The following DMRT1 variants were observed in gnomAD, a reference collection of about 807,000 sequenced individuals.
DMRT1 encodes doublesex and mab-3 related transcription factor 1, also known as doublesex- and mab-3-related transcription factor 1.
Under a neutral mutation model 32.3 loss-of-function variants are expected in DMRT1, and 7 were observed. The ratio of observed to expected loss-of-function variants is 0.22; its 90% CI spans 0.12 to 0.41. The LOEUF is 0.41. Ranked by LOEUF, DMRT1 falls within the 10% of genes least tolerant of loss-of-function variation. The pLI is 1.00. For missense variants in DMRT1, 625 were observed against 500.5 expected (o/e 1.25, Z -2.37); for synonymous variants, 278 against 206.1 (o/e 1.35, Z -2.99).
chr9:941,620 T>C (rs1819075619), intron 4 of DMRT1, among the ~76,000 whole-genome samples: 1 of 152,082 alleles, frequency 6.6e-6, no homozygotes, highest in African/African-American at 2.4e-5. Flanking sequence ...AGGGTGGTGA[T>C]GGTTACACAG....
At chr9:866,200 G>A (rs539576756) in intron 2 of DMRT1, among the ~76,000 whole-genome samples, 8 of 150,452 alleles carry the variant, frequency 5.3e-5, no homozygotes, top group African/African-American at 1.7e-4. Context: ...AGTGGTGGGT[G>A]TTTTATAACC....
At chr9:866,469 C>CA (rs1564208260) in intron 2 of DMRT1, among the ~76,000 whole-genome samples, 105 of 151,944 alleles carry the variant, frequency 6.9e-4, no homozygotes, top group Non-Finnish European at 1.2e-3. Context: ...CTCATTTACC[C>CA]CGTTGTGGGG....
Position 965,778 on chromosome 9 carries a change from G to A in DMRT1, c.968-2207G>A, listed in dbSNP as rs1819912633. On this transcript the variant is annotated intron_variant, in intron 4 of 4. Transcript: ENST00000382276. This position sits in a 1 kb window ranked among gnomAD's most constrained non-coding sequence, Gnocchi z 4.5. ...TCAGCTGCCAGTTCTGAAATGTGGG[G>A]CCCAGGAGAAGGTTGGTGCAGGGGC... Among the ~76,000 whole-genome samples, 1 of 152,180 alleles carries A rather than the reference G, an allele frequency of 6.6e-6. No homozygotes were observed. The highest frequency in any genetic ancestry group is 1.5e-5 in the Non-Finnish European group (1 of 68,032).
chr9:959,032 A>G (rs1199672435), intron 4 of DMRT1, among the ~76,000 whole-genome samples: 1 of 152,238 alleles, frequency 6.6e-6, no homozygotes, highest in East Asian at 1.9e-4. Context: ...ATACTGCAAA[A>G]TATCTGGACA....
intron 2 of DMRT1, among the ~76,000 whole-genome samples, chr9:893,317 A>G (rs942166876): frequency 6.6e-6 from 1 of 152,262 alleles, no homozygotes; most frequent in African/African-American, 2.4e-5. Flanking sequence ...TTTTATAAAT[A>G]AAGTTTTATT....
chr9:870,709 CTTTTTTT>C (rs58893896), intron 2 of DMRT1, among the ~76,000 whole-genome samples: 7 of 69,558 alleles, frequency 1.0e-4, no homozygotes, highest in Admixed American at 6.2e-4. Flanking sequence ...ATTTTCTTGA[CTTTTTTT>C]TTTTTTTTTT....
At chr9:922,864 G>T (rs190500198) in intron 4 of DMRT1, among the ~76,000 whole-genome samples, 2 of 150,416 alleles carry the variant, frequency 1.3e-5, no homozygotes, top group African/African-American at 5.0e-5. Context: ...TCCGTGAAGC[G>T]AGTTGCAGAG....
At chr9:920,926 A>T (rs74466767) in intron 4 of DMRT1, among the ~76,000 whole-genome samples, 1 of 152,134 alleles carries the variant, frequency 6.6e-6, no homozygotes, top group African/African-American at 2.4e-5. Context: ...CTTTATAGCA[A>T]TTTGGTAGAG....
intron 4 of DMRT1, among the ~76,000 whole-genome samples, chr9:934,918 G>T (rs1029044699): frequency 1.3e-5 from 2 of 152,080 alleles, no homozygotes; most frequent in African/African-American, 2.4e-5. Flanking sequence ...GATACACCTT[G>T]ATCTCTCTGG....
Position 922,647 on chromosome 9 carries a change from G to C in DMRT1, c.967+5740G>C, listed in dbSNP as rs149069921. ...GTAATACACTTAGATATTTTTGTCT[G>C]TTTATTTTGTGATCTCGGTTTAAAA... On this transcript the variant is annotated intron_variant, in intron 4 of 4. Coordinates refer to ENST00000382276, the MANE Select transcript of DMRT1 (RefSeq NM_021951.3). Among the ~76,000 whole-genome samples, 511 of 152,306 alleles carry C rather than the reference G, an allele frequency of 3.4e-3. 1 individual carries two copies. The highest frequency in any genetic ancestry group is 0.012 in the African/African-American group (491 of 41,566).
intron 4 of DMRT1, among the ~76,000 whole-genome samples, chr9:962,303 C>T (rs1006752535): frequency 5.9e-5 from 9 of 151,980 alleles, no homozygotes; most frequent in Admixed American, 5.9e-4. Context: ...AGTTTGGGGG[C>T]AAGGGAGCAG....
At chr9:912,474 A>G (rs918942974) in intron 3 of DMRT1, among the ~76,000 whole-genome samples, 4 of 152,212 alleles carry the variant, frequency 2.6e-5, no homozygotes, top group Non-Finnish European at 5.9e-5. Context: ...CTAAATTCCT[A>G]TTTCCTAATA....
intron 4 of DMRT1, among the ~76,000 whole-genome samples, chr9:941,933 T>C (rs1819087541): frequency 6.6e-6 from 1 of 152,186 alleles, no homozygotes; most frequent in Admixed American, 6.5e-5. Flanking sequence ...TTCAGGTTGT[T>C]TGTATTTATT....
chr9:875,790 G>A (rs757551595), intron 2 of DMRT1, among the ~76,000 whole-genome samples: 12 of 152,148 alleles, frequency 7.9e-5, no homozygotes, highest in South Asian at 2.1e-4. Context: ...GTATGTGTAC[G>A]TATGTGTGTG....
chr9:855,436 G>C (rs1205389563), intron 2 of DMRT1, among the ~76,000 whole-genome samples: 1 of 152,180 alleles, frequency 6.6e-6, no homozygotes, highest in Non-Finnish European at 1.5e-5. Flanking sequence ...TTTCTGTATA[G>C]TACAGTACCT....
intron 2 of DMRT1, among the ~76,000 whole-genome samples, chr9:889,729 T>G (rs1232388877): frequency 6.6e-6 from 1 of 152,088 alleles, no homozygotes; most frequent in Non-Finnish European, 1.5e-5. Context: ...TCTGGAATGC[T>G]GGAATCCTTG....
intron 3 of DMRT1, among the ~76,000 whole-genome samples, chr9:898,671 G>A (rs1817462278): frequency 2.0e-5 from 3 of 152,188 alleles, no homozygotes; most frequent in Admixed American, 6.5e-5. Context: ...TCTCCTGACT[G>A]ATTTTCTTGG....
At chr9:894,310 C>A in intron 3 of DMRT1, 115 bp downstream of exon 3, 1 of 1,097,314 alleles carries the variant, frequency 9.1e-7, no homozygotes, top group Non-Finnish European at 1.4e-6. Context: ...GAGGCACACA[C>A]AGGTGACACA....
At chr9:942,983 C>T (rs1426349734) in intron 4 of DMRT1, among the ~76,000 whole-genome samples, 2 of 151,922 alleles carry the variant, frequency 1.3e-5, no homozygotes, top group Non-Finnish European at 2.9e-5. Context: ...CCTCTGCACA[C>T]CCCTCCCCCC....
Sources: allele counts gnomAD v4.1 joint callset (sites outside exome capture counted in the v4.1 genomes callset), GRCh38; gene constraint gnomAD v4.1.1; non-coding constraint Gnocchi (gnomAD v3.1); transcripts MANE v1.5; gene names NCBI Gene and HGNC (gene_info 2026-07-23, HGNC 2026-07-21).